The following KLF8 variants were observed in gnomAD, a reference collection of about 807,000 sequenced individuals.
The protein encoded by KLF8 is KLF transcription factor 8.
In KLF8, 10 loss-of-function variants were observed where a neutral mutation model predicts 18.2. The ratio of observed to expected loss-of-function variants is 0.55; its 90% confidence interval spans 0.34 to 0.93. The LOEUF is 0.93. Among genes scored for constraint, KLF8 ranks in the 40% least tolerant of loss-of-function variants. The pLI is 0.02. For synonymous variants in KLF8, 109 were observed against 97.3 expected, an observed-to-expected ratio of 1.12 and a Z score of -0.71; for missense variants, 264 against 277.9, an observed-to-expected ratio of 0.95 and a Z score of 0.36.
the KLF8 span, among the ~76,000 whole-genome samples, chrX:56,150,950 A>T: frequency 1.8e-5 from 2 of 111,830 alleles, no homozygotes; most frequent in African/African-American, 6.5e-5. Flanking sequence ...CCTTCCTCAG[A>T]AGGTCAGAGA....
chrX:56,062,362 C>A, the KLF8 span, among the ~76,000 whole-genome samples: 1 of 111,233 alleles, frequency 9.0e-6, no homozygotes, highest in African/African-American at 3.3e-5. Flanking sequence ...TTCAGGAGCT[C>A]TTGTAAGGTA....
the KLF8 span, among the ~76,000 whole-genome samples, chrX:56,019,862 G>C: frequency 8.9e-6 from 1 of 111,750 alleles, no homozygotes; most frequent in Non-Finnish European, 1.9e-5. Flanking sequence ...TCAGAGAACT[G>C]TGGTAGGTCA....
At chrX:56,116,270 G>A in the KLF8 span, among the ~76,000 whole-genome samples, 1 of 112,452 alleles carries the variant, frequency 8.9e-6, no homozygotes, top group Non-Finnish European at 1.9e-5. Flanking sequence ...GATCCAGCCC[G>A]GGATTCTGAG....
the KLF8 span, among the ~76,000 whole-genome samples, chrX:56,160,019 G>A: frequency 1.8e-5 from 2 of 111,516 alleles, no homozygotes; most frequent in African/African-American, 6.5e-5. Flanking sequence ...TTCTAATGTG[G>A]GCATTTAGTG....
chrX:55,915,132 T>C, the KLF8 span, among the ~76,000 whole-genome samples: 1 of 110,292 alleles, frequency 9.1e-6, no homozygotes, highest in African/African-American at 3.3e-5. Flanking sequence ...CTAGTCAGAG[T>C]AGTCAAAGCA....
At chrX:56,210,009 AGTT>A in the KLF8 span, among the ~76,000 whole-genome samples, 2 of 111,876 alleles carry the variant, frequency 1.8e-5, no homozygotes, top group Admixed American at 9.5e-5. Context: ...TGTCTTGAAA[AGTT>A]GTTGTAGTTT....
the KLF8 span, among the ~76,000 whole-genome samples, chrX:55,999,285 A>ATTTTTTTTTTTTTTTTTTT: frequency 0.016 from 517 of 33,057 alleles, 101 homozygotes; most frequent in East Asian, 0.039. Context: ...ATGCCTCCAG[A>ATTTTTTTTTTTTTTTTTTT]TTTTTTTTTT....
chrX:56,078,785 G>C, the KLF8 span, among the ~76,000 whole-genome samples: 1 of 111,066 alleles, frequency 9.0e-6, no homozygotes, highest in African/African-American at 3.3e-5. Context: ...ACTCTTTTTT[G>C]TTGGTAAGCT....
chrX:56,027,965 C>G, the KLF8 span, among the ~76,000 whole-genome samples: 1 of 112,376 alleles, frequency 8.9e-6, no homozygotes, highest in Non-Finnish European at 1.9e-5. Flanking sequence ...TTAAGTTTTG[C>G]CCAAGGGTTA....
At chrX:56,270,843 A>T (rs1450692791) in intron 5 of KLF8, among the ~76,000 whole-genome samples, 1 of 111,262 alleles carries the variant, frequency 9.0e-6, no homozygotes, top group Non-Finnish European at 1.9e-5. Flanking sequence ...AATAAAGCAG[A>T]CCTGGTAGTG....
the KLF8 span, among the ~76,000 whole-genome samples, chrX:56,000,794 C>T: frequency 1.8e-5 from 2 of 111,216 alleles, no homozygotes; most frequent in African/African-American, 6.5e-5. Context: ...AGCAACTATT[C>T]ATTTTACTTT....
chrX:56,082,396 A>G, the KLF8 span, among the ~76,000 whole-genome samples: 3 of 110,175 alleles, frequency 2.7e-5, no homozygotes, highest in African/African-American at 9.9e-5. Context: ...GACATTCTTG[A>G]AGAATCAACT....
the KLF8 span, among the ~76,000 whole-genome samples, chrX:56,053,294 G>A: frequency 0.044 from 4,895 of 111,293 alleles, 283 homozygotes; most frequent in African/African-American, 0.15. Flanking sequence ...TTTTTGTTTT[G>A]TTTATATAAT....
chrX:56,072,889 T>C, the KLF8 span, among the ~76,000 whole-genome samples: 22 of 111,769 alleles, frequency 2.0e-4, no homozygotes, highest in African/African-American at 6.5e-4. Context: ...TAAACTCTAA[T>C]CTACTTTCTG....
the KLF8 span, among the ~76,000 whole-genome samples, chrX:56,008,015 T>C: frequency 9.1e-6 from 1 of 110,405 alleles, no homozygotes; most frequent in East Asian, 2.9e-4. Flanking sequence ...GTGAGCCTAG[T>C]AGTTACTATA....
chrX:56,203,145 T>C, the KLF8 span, among the ~76,000 whole-genome samples: 3 of 112,449 alleles, frequency 2.7e-5, no homozygotes, highest in Non-Finnish European at 3.8e-5. Flanking sequence ...GACATTTCAT[T>C]GTAGTTTTGA....
chrX:56,260,879 A>G (rs2066874049), intron 2 of KLF8, among the ~76,000 whole-genome samples: 1 of 111,581 alleles, frequency 9.0e-6, no homozygotes, highest in Non-Finnish European at 1.9e-5. Context: ...TGTTTCTATA[A>G]CATCCCTTCC....
At chrX:56,058,039 T>C in the KLF8 span, among the ~76,000 whole-genome samples, 1 of 102,648 alleles carries the variant, frequency 9.7e-6, no homozygotes, top group African/African-American at 3.6e-5. Context: ...CCGCGTGGAG[T>C]AGCCCCGCTT....
At chrX:56,008,137 T>TAC in the KLF8 span, among the ~76,000 whole-genome samples, 9 of 106,460 alleles carry the variant, frequency 8.5e-5, no homozygotes, top group Admixed American at 3.0e-4. Context: ...TATATATATA[T>TAC]ACACACACAA....
Sources: allele counts gnomAD v4.1 joint callset (sites outside exome capture counted in the v4.1 genomes callset), GRCh38; gene constraint gnomAD v4.1.1; transcripts MANE v1.5; gene names NCBI Gene and HGNC (gene_info 2026-07-23, HGNC 2026-07-21).